Variants in SCAPER observed in about 807,000 individuals in gnomAD.
SCAPER encodes S-phase cyclin A associated protein in the ER, also known as S phase cyclin A-associated protein in the endoplasmic reticulum.
A neutral mutation model predicts 182.2 loss-of-function variants in SCAPER; 98 were observed. That is an observed-to-expected ratio of 0.54 (90% CI 0.46 to 0.64). The LOEUF (loss-of-function observed/expected upper bound fraction) is 0.64. SCAPER is among the 30% of genes least tolerant of loss of function. SCAPER has a pLI of 0.00. For missense variants in SCAPER, 1,432 were observed against 1,690.0 expected, an observed-to-expected ratio of 0.85 and a Z score of 2.68; for synonymous variants, 605 against 564.6, an observed-to-expected ratio of 1.07 and a Z score of -1.01.
chr15:76,786,158 G>T (rs1301383573), intron 8 of SCAPER, among the ~76,000 whole-genome samples: 1 of 151,700 alleles, frequency 6.6e-6, no homozygotes, highest in South Asian at 2.1e-4. Flanking sequence ...GAAACCACGT[G>T]TCTACTAAAG....
In SCAPER at chr15:76,797,797, C is replaced by T. The variant is rs75867209; in HGVS notation, c.612-2357G>A. 9.0e-3 allele frequency among the ~76,000 whole-genome samples: 1,370 copies of T among 152,122 alleles called. 21 individuals are homozygous for T. The highest frequency in any genetic ancestry group is 0.032 in the African/African-American group (1,329 of 41,484). On this transcript the variant is annotated intron_variant, in intron 7 of 31. Coordinates refer to ENST00000563290, the MANE Select transcript of SCAPER (RefSeq NM_020843.4). The stretch of plus-strand genomic sequence containing the variant: ...GTACCCATGAAACAAAATATACAGA[C>T]GTCACAGAATGAGTTAAGTGTAGCA...
At chr15:76,417,246 A>G (rs1188361740) in intron 26 of SCAPER, among the ~76,000 whole-genome samples, 2 of 151,956 alleles carry the variant, frequency 1.3e-5, no homozygotes, top group Non-Finnish European at 2.9e-5. Context: ...AAGAAACTGT[A>G]CTCTTCTGTG....
intron 20 of SCAPER, among the ~76,000 whole-genome samples, chr15:76,678,685 A>C (rs1221521030): frequency 6.7e-6 from 1 of 150,202 alleles, no homozygotes; most frequent in African/African-American, 2.4e-5. Context: ...AAGAAGGAAA[A>C]TTGGGAGAAC....
intron 14 of SCAPER, among the ~76,000 whole-genome samples, chr15:76,755,686 A>G (rs73443743): frequency 0.011 from 1,621 of 152,324 alleles, 34 homozygotes; most frequent in African/African-American, 0.036. Context: ...AGAATACAGC[A>G]AAAGTGATGT....
chr15:76,492,032 C>T (rs1236878935), intron 24 of SCAPER, among the ~76,000 whole-genome samples: 1 of 152,176 alleles, frequency 6.6e-6, no homozygotes, highest in African/African-American at 2.4e-5. Flanking sequence ...CATGTGCTTA[C>T]TTGGCATCTT....
At chr15:76,880,721 GA>G (rs11321833) in intron 2 of SCAPER, among the ~76,000 whole-genome samples, 4,374 of 131,768 alleles carry the variant, frequency 0.033, 191 homozygotes, top group African/African-American at 0.12. Context: ...TAAGTGAAAA[GA>G]AAAAAAAAAA....
At chr15:76,822,339 T>TA (rs201690729) in intron 5 of SCAPER, among the ~76,000 whole-genome samples, 2 of 151,502 alleles carry the variant, frequency 1.3e-5, no homozygotes, top group African/African-American at 2.4e-5. Context: ...AATAAAGTCA[T>TA]AAAAAAAAGA....
At chr15:76,472,099 A>G in intron 24 of SCAPER, 1 of 355,482 alleles carries the variant, frequency 2.8e-6, no homozygotes, top group Non-Finnish European at 5.4e-6. Context: ...CATCACTGCC[A>G]TGCCCAAGAA....
intron 14 of SCAPER, among the ~76,000 whole-genome samples, chr15:76,757,171 G>A (rs1241640773): frequency 6.6e-6 from 1 of 152,032 alleles, no homozygotes; most frequent in Non-Finnish European, 1.5e-5. Flanking sequence ...ATGTTTTCAG[G>A]TATTTTGTTT....
chr15:76,727,206 T>C (rs1346112206), intron 17 of SCAPER, among the ~76,000 whole-genome samples: 1 of 152,086 alleles, frequency 6.6e-6, no homozygotes, highest in East Asian at 1.9e-4. Flanking sequence ...CCTGAATTTA[T>C]AGATTCAATG....
At chr15:76,687,459 ATACTT>A (rs1385123861) in intron 20 of SCAPER, among the ~76,000 whole-genome samples, 2 of 152,194 alleles carry the variant, frequency 1.3e-5, no homozygotes, top group Non-Finnish European at 2.9e-5. Flanking sequence ...TAAAATTATT[ATACTT>A]TAAGTTTGGG....
At chr15:76,794,472 T>A (rs1354303367) in intron 8 of SCAPER, among the ~76,000 whole-genome samples, 1 of 151,412 alleles carries the variant, frequency 6.6e-6, no homozygotes, top group African/African-American at 2.4e-5. Flanking sequence ...GGCAATATAT[T>A]GAAGTAAGCC....
chr15:76,806,088 CAATTT>C (rs1002833396), intron 5 of SCAPER, among the ~76,000 whole-genome samples: 5 of 151,984 alleles, frequency 3.3e-5, no homozygotes, highest in African/African-American at 1.2e-4. Context: ...TGATAAAGTT[CAATTT>C]ATTTTTTCTC....
At chr15:76,862,555 CTTA>C (rs1427932861) in intron 2 of SCAPER, 22 bp from the exon 3 acceptor site, 18 of 1,401,488 alleles carry the variant, frequency 1.3e-5, no homozygotes, top group Non-Finnish European at 1.8e-5. Flanking sequence ...AAAGATGGTA[CTTA>C]TTAGATTATT....
At chr15:76,746,474 T>C (rs1249866883) in intron 15 of SCAPER, among the ~76,000 whole-genome samples, 1 of 152,254 alleles carries the variant, frequency 6.6e-6, no homozygotes, top group Non-Finnish European at 1.5e-5. Context: ...AACAAATGGA[T>C]GTCTACTCTC....
intron 21 of SCAPER, among the ~76,000 whole-genome samples, chr15:76,638,356 C>G (rs1597853529): frequency 6.6e-6 from 1 of 152,092 alleles, no homozygotes; most frequent in Non-Finnish European, 1.5e-5. Flanking sequence ...TCTTACATTT[C>G]CCCCTCAATC....
chr15:76,787,368 GAAAGA>G (rs1568137194), intron 8 of SCAPER, among the ~76,000 whole-genome samples: 2 of 152,074 alleles, frequency 1.3e-5, no homozygotes, highest in South Asian at 2.1e-4. Flanking sequence ...ATTCAACAGA[GAAAGA>G]AAAGAATTTT....
At chr15:76,505,521 A>G (rs1187479766) in intron 23 of SCAPER, among the ~76,000 whole-genome samples, 3 of 152,186 alleles carry the variant, frequency 2.0e-5, no homozygotes, top group Admixed American at 2.0e-4. Context: ...TCATTAGAAA[A>G]ATGCAAATCA....
chr15:76,357,058 T>C (rs1289908780), intron 29 of SCAPER, among the ~76,000 whole-genome samples: 2 of 152,048 alleles, frequency 1.3e-5, no homozygotes, highest in African/African-American at 4.8e-5. Context: ...TTGTATTTAT[T>C]TACCAACTGG....
Sources: allele counts gnomAD v4.1 joint callset (sites outside exome capture counted in the v4.1 genomes callset), GRCh38; gene constraint gnomAD v4.1.1; transcripts MANE v1.5; gene names NCBI Gene and HGNC (gene_info 2026-07-23, HGNC 2026-07-21).